The following USP43 variants were observed in gnomAD, a reference collection of about 807,000 sequenced individuals.
The protein encoded by USP43 is ubiquitin specific peptidase 43, also known as ubiquitin carboxyl-terminal hydrolase 43.
In USP43, 33 loss-of-function variants were observed where a neutral mutation model predicts 90.7. The observed-to-expected ratio is 0.36, with a 90% CI of 0.28 to 0.49. The LOEUF (loss-of-function observed/expected upper bound fraction) is 0.49, where lower values mean the gene tolerates loss of function less well. Among genes scored for constraint, USP43 ranks in the 20% least tolerant of loss-of-function variants. The pLI, the probability that USP43 is intolerant of heterozygous loss-of-function variation, is 0.98. For synonymous variants in USP43, 598 were observed against 615.8 expected (o/e 0.97, Z 0.43); for missense variants, 1,274 against 1,476.4 (o/e 0.86, Z 2.25).
intron 14 of USP43, among the ~76,000 whole-genome samples, chr17:9,715,743 CTCTG>C (rs1416992161): frequency 4.9e-5 from 5 of 102,174 alleles, no homozygotes; most frequent in Non-Finnish European, 9.8e-5. Context: ...GTGTGTGTGT[CTCTG>C]TAGGTATGTG....
At chr17:9,656,129 A>G (rs997633462) in intron 1 of USP43, among the ~76,000 whole-genome samples, 2 of 151,946 alleles carry the variant, frequency 1.3e-5, no homozygotes, top group Middle Eastern at 3.4e-3. Flanking sequence ...AACAGAGACC[A>G]CTCTGTGGGT....
chr17:9,670,196 G>C (rs1913314880), intron 3 of USP43, among the ~76,000 whole-genome samples: 1 of 151,684 alleles, frequency 6.6e-6, no homozygotes, highest in Admixed American at 6.6e-5. Flanking sequence ...GTGCCACCAT[G>C]CCCAGCAAAT....
At chr17:9,666,849 A>T in intron 3 of USP43, 98 bp downstream of exon 3, 1 of 910,178 alleles carries the variant, frequency 1.1e-6, no homozygotes, top group Non-Finnish European at 1.8e-6. Context: ...CTGAGATTTC[A>T]AAACAACAAA....
At chr17:9,667,585 C>G (rs750286757) in intron 3 of USP43, among the ~76,000 whole-genome samples, 4 of 152,086 alleles carry the variant, frequency 2.6e-5, no homozygotes, top group Non-Finnish European at 5.9e-5. Flanking sequence ...GAGAAAACCC[C>G]ATGGACTTCT....
rs1397625442 is a variant in USP43, at chr17:9,656,517, G to A, written c.619G>A (p.Gly207Arg). ...VHEDLEGSSR[G>R]PVSEKLPPEA... is the part of the protein sequence containing the mutation. ...TGAGGACCTGGAGGGTTCATCCCGAGGGCCGGTGTCGGAGAAGGTCGGTCA... is the reference window on the plus strand; with the variant it reads ...TGAGGACCTGGAGGGTTCATCCCGAAGGCCGGTGTCGGAGAAGGTCGGTCA... Residue 207 changes from glycine to arginine, a missense_variant, in exon 2 of 15, where the codon GGG (glycine) becomes AGG (arginine). Physicochemically the swap from Gly to Arg is moderately radical, Grantham distance 125 (BLOSUM62 -2). This residue lies in a region of USP43 where 259 missense variants were observed against 373.7 expected (regional missense o/e 0.69). Transcript: ENST00000285199. 6.2e-7 allele frequency: 1 copy of A among 1,611,446 alleles called. No individual in the cohort carries two copies. Among genetic ancestry groups the A allele is most frequent in the Non-Finnish European group, 8.5e-7 (1 of 1,179,004 alleles).
In USP43 at chr17:9,691,403, C is replaced by G. The variant is rs555551343; in HGVS notation, c.1354-1724C>G. On this transcript the variant is annotated intron_variant, in intron 8 of 14. Transcript: ENST00000285199. ...AGAGTGCTGGGATTACAGGCGTGAG[C>G]CACCGCGCTGGGCTGCCTTCATTTT... Among the ~76,000 whole-genome samples the G allele has an allele frequency of 2.0e-5, 3 of 152,252 alleles. No individual in the cohort carries two copies. The East Asian group carries it at 5.8e-4, about 29-fold the overall frequency.
chr17:9,711,469 C>T (rs578192314), intron 13 of USP43, among the ~76,000 whole-genome samples: 2 of 152,292 alleles, frequency 1.3e-5, no homozygotes, highest in African/African-American at 4.8e-5. Flanking sequence ...GCTCTTGTTG[C>T]CCAGGCTGGA....
chr17:9,658,296 G>A (rs912267268), intron 2 of USP43, among the ~76,000 whole-genome samples: 1 of 151,840 alleles, frequency 6.6e-6, no homozygotes, highest in African/African-American at 2.4e-5. Context: ...CCTTAAATTT[G>A]TCTGTTTCCT....
intron 9 of USP43, among the ~76,000 whole-genome samples, chr17:9,697,043 C>T (rs879264925): frequency 6.6e-5 from 10 of 152,206 alleles, no homozygotes; most frequent in African/African-American, 1.7e-4. Context: ...ATGGTGAAAC[C>T]GCATTTCTAC....
chr17:9,710,208 T>C (rs1466506578), intron 13 of USP43, 94 bp downstream of exon 13: 2 of 1,310,372 alleles, frequency 1.5e-6, no homozygotes, highest in African/African-American at 1.5e-5. Flanking sequence ...CCAGGAGAGG[T>C]TGGCAAGGAT....
At position 9,645,713 on chromosome 17, in the gene USP43, G is replaced by A. The variant is rs1911331468; in HGVS notation, c.81G>A (p.Leu27=). The A allele has an allele frequency of 1.5e-6, 2 of 1,351,898 alleles. No individual in the cohort carries two copies. The highest frequency in any genetic ancestry group is 2.8e-4 in the Middle Eastern group (1 of 3,632). The allele number at this position is 1,351,898 out of a possible 1,614,324, so 83.7% of individuals were successfully genotyped here. ...GCCGCCGCCGCTCCCTGCGCCGCCT[G>A]TTCAGCCGCTTCCTGCTGGCGCTGG... ...RPRRRRSLRR[L]FSRFLLALGS... Residue 27 remains leucine (L), a synonymous_variant, in exon 1 of 15, where the codon CTG becomes CTA. Coordinates refer to ENST00000285199, the MANE Select transcript of USP43 (RefSeq NM_153210.5). This position sits in a 1 kb window ranked among gnomAD's most constrained non-coding sequence, Gnocchi z 6.8.
rs111624111 is a variant in USP43, at chr17:9,648,105, G to A, written c.504+1969G>A. On this transcript the variant is annotated intron_variant, in intron 1 of 14. Coordinates refer to ENST00000285199, the MANE Select transcript of USP43 (RefSeq NM_153210.5). The stretch of plus-strand genomic sequence containing the variant: ...CACCAGAATTCCCTATCTCTCTCCC[G>A]CTGTCAAATCCCCAGGGCCTGGGAG... Among the ~76,000 whole-genome samples the A allele has an allele frequency of 3.0e-4, 46 of 152,280 alleles. 1 individual carries two copies. Among genetic ancestry groups the A allele is most frequent in the African/African-American group, 1.0e-3 (42 of 41,564 alleles).
intron 14 of USP43, among the ~76,000 whole-genome samples, chr17:9,716,003 GTGTC>G (rs771214748): frequency 3.5e-5 from 5 of 142,334 alleles, no homozygotes; most frequent in Non-Finnish European, 6.2e-5. Context: ...ATCTGTGTGT[GTGTC>G]TGTGTGTGTA....
At chr17:9,667,504 T>C (rs549971080) in intron 3 of USP43, among the ~76,000 whole-genome samples, 1 of 152,358 alleles carries the variant, frequency 6.6e-6, no homozygotes, top group Admixed American at 6.5e-5. Flanking sequence ...CAGAGATTCA[T>C]ACAAGGCAGA....
chr17:9,717,308 C>T (rs1916634745), intron 14 of USP43, among the ~76,000 whole-genome samples: 1 of 151,704 alleles, frequency 6.6e-6, no homozygotes, highest in African/African-American at 2.4e-5. Flanking sequence ...TTGGTGTCTG[C>T]ACGTCTGCAT....
rs992757382 is a variant in USP43 at position 9,674,371 on chromosome 17, T to G, written c.741-520T>G. Among the ~76,000 whole-genome samples the G allele has an allele frequency of 3.9e-5, 6 of 152,186 alleles. No individual in the cohort carries two copies. The highest frequency in any genetic ancestry group is 3.3e-4 in the Admixed American group (5 of 15,278). On this transcript the variant is annotated intron_variant, in intron 3 of 14. Transcript: ENST00000285199. This position sits in a 1 kb window ranked among gnomAD's most constrained non-coding sequence, Gnocchi z 4.4. ...TGTGCAGCTACCACCTCCTAGTTCC[T>G]AAACATTTCATCACCCCAAAATAAA...
intron 12 of USP43, among the ~76,000 whole-genome samples, chr17:9,707,057 G>A (rs565194403): frequency 6.6e-6 from 1 of 152,224 alleles, no homozygotes; most frequent in South Asian, 2.1e-4. Context: ...TCATACCATA[G>A]ATGTATTTTT....
At chr17:9,710,500 C>CTTTTTTTTTT (rs753636549) in intron 13 of USP43, among the ~76,000 whole-genome samples, 2 of 86,038 alleles carry the variant, frequency 2.3e-5, no homozygotes, top group African/African-American at 1.1e-4. Context: ...GGAAAGGTAG[C>CTTTTTTTTTT]TTTTTTTTTT....
At chr17:9,711,683 G>A (rs974614913) in intron 13 of USP43, among the ~76,000 whole-genome samples, 9 of 152,108 alleles carry the variant, frequency 5.9e-5, no homozygotes, top group Admixed American at 2.6e-4. Context: ...TGCTCGCCTC[G>A]GCCTCCGTAA....
Sources: gnomAD v4.1 joint callset for allele counts (sites outside exome capture counted in the v4.1 genomes callset) on GRCh38, gnomAD v4.1.1 for gene constraint, gnomAD v4.1.1 regional missense constraint, Gnocchi (gnomAD v3.1) non-coding constraint, MANE v1.5 for transcripts, NCBI Gene and HGNC (gene_info 2026-07-23, HGNC 2026-07-21) for gene names.